The following SESTD1 variants were observed in gnomAD, a reference collection of about 807,000 sequenced individuals.
SESTD1 encodes SEC14 and spectrin domain containing 1, also known as SEC14 domain and spectrin repeat-containing protein 1.
Under a neutral mutation model 101.7 loss-of-function variants are expected in SESTD1, and 43 were observed. That is an observed-to-expected ratio of 0.42 (90% CI 0.33 to 0.55). The LOEUF is 0.55. SESTD1 is among the 20% of genes least tolerant of loss of function. The probability of loss-of-function intolerance (pLI) is 0.07; values close to 1 mark genes in which losing one functional copy is unlikely to be tolerated. For synonymous variants in SESTD1, 283 were observed against 286.8 expected (o/e 0.99, Z 0.13); for missense variants, 647 against 815.1 (o/e 0.79, Z 2.51).
chr2:179,250,338 T>C (rs6707081), intron 1 of SESTD1, among the ~76,000 whole-genome samples: 68,285 of 152,084 alleles, frequency 0.45, 18,166 homozygotes, highest in African/African-American at 0.75. Context: ...CACTACAAAC[T>C]TATCACAATG....
rs1559100986 is a variant in SESTD1 at position 179,124,538 on chromosome 2, C to T, written c.993G>A (p.Val331=). Residue 331 remains valine, a synonymous_variant, in exon 11 of 18, where the codon GTG becomes GTA. Transcript: ENST00000428443. Reference sequence around the variant, plus strand: ...GTGCTGCAATTTGCTGATTAAGTTCCACATACACTGCAAACCATTCCTGTA... The same window carrying T: ...GTGCTGCAATTTGCTGATTAAGTTCTACATACACTGCAAACCATTCCTGTA... ...SQHSEWFAVY[V]ELNQQIAALL... 1.2e-6 allele frequency: 2 copies of T among 1,613,844 alleles called. No individual in the cohort carries two copies. Among genetic ancestry groups the T allele is most frequent in the African/African-American group, 1.3e-5 (1 of 75,028 alleles).
intron 5 of SESTD1, among the ~76,000 whole-genome samples, chr2:179,153,512 A>T (rs1023531975): frequency 6.6e-6 from 1 of 152,128 alleles, no homozygotes; most frequent in Admixed American, 6.5e-5. Flanking sequence ...TCTCTCTCTC[A>T]CACACACTTA....
In SESTD1 at chr2:179,204,894, T is replaced by G. The variant is rs1263932325; in HGVS notation, c.-25-13028A>C. On this transcript the variant is annotated intron_variant, in intron 1 of 17. Transcript: ENST00000428443. ...GATGTTCCCCCAGAAAAAAAAAAAA[T>G]TCAACCTTGAGGAAGAAATGCAGAT... 4.5e-5 allele frequency among the ~76,000 whole-genome samples: 6 copies of G among 133,534 alleles called. 1 individual carries two copies. In the East Asian group the frequency reaches 1.2e-3, roughly 27 times the overall value. The allele number at this position is 133,534 out of a possible 152,430, so 87.6% of individuals were successfully genotyped here.
intron 5 of SESTD1, among the ~76,000 whole-genome samples, chr2:179,168,781 CAG>C (rs1162614721): frequency 5.9e-5 from 9 of 152,020 alleles, no homozygotes; most frequent in Non-Finnish European, 1.0e-4. Flanking sequence ...TAAAAGAAAA[CAG>C]ATTATCTGTA....
At chr2:179,258,862 G>T (rs1287570339) in intron 1 of SESTD1, among the ~76,000 whole-genome samples, 1 of 152,160 alleles carries the variant, frequency 6.6e-6, no homozygotes, top group Non-Finnish European at 1.5e-5. Flanking sequence ...TTAAGCACTG[G>T]CATTGGGACA....
chr2:179,257,610 T>A (rs960831153), intron 1 of SESTD1, among the ~76,000 whole-genome samples: 1 of 152,076 alleles, frequency 6.6e-6, no homozygotes, highest in African/African-American at 2.4e-5. Flanking sequence ...TGCAAAGGAT[T>A]AAAGACACAA....
At chr2:179,197,208 A>AG (rs1471903884) in intron 1 of SESTD1, among the ~76,000 whole-genome samples, 1 of 152,176 alleles carries the variant, frequency 6.6e-6, no homozygotes, top group East Asian at 1.9e-4. Flanking sequence ...AAAGGGTATC[A>AG]GCTATGGAAA....
rs71023474 is a variant in SESTD1, at chr2:179,230,113, C to CTTTTTTTTTTT, written c.-26+34375_-26+34385dup. ...AAATATTCCAAACTGGATTGTATCT[C>CTTTTTTTTTTT]TTTTTTTTTTTTTTTTTTTTTTTTT... is the stretch of plus-strand genomic sequence containing the variant. On this transcript the variant is annotated intron_variant, in intron 1 of 17. Transcript: ENST00000428443. Among the ~76,000 whole-genome samples, 55 of 56,420 alleles carry CTTTTTTTTTTT rather than the reference C, an allele frequency of 9.7e-4. 18 individuals are homozygous for CTTTTTTTTTTT. The highest frequency in any genetic ancestry group is 6.2e-3 in the East Asian group (7 of 1,138). 37.0% of individuals were successfully genotyped at this position (56,420 alleles called of 152,430 possible).
At chr2:179,118,853 G>C (rs1001939920) in intron 13 of SESTD1, among the ~76,000 whole-genome samples, 6 of 152,124 alleles carry the variant, frequency 3.9e-5, no homozygotes, top group Admixed American at 3.9e-4. Context: ...ATGAGAGTAG[G>C]GAGGAGCAAG....
intron 1 of SESTD1, among the ~76,000 whole-genome samples, chr2:179,195,162 T>C (rs1458479347): frequency 6.6e-6 from 1 of 152,258 alleles, no homozygotes; most frequent in Non-Finnish European, 1.5e-5. Context: ...TTTGACTCTG[T>C]GTCCCCACCC....
At chr2:179,218,993 A>ACTAC (rs1450961543) in intron 1 of SESTD1, among the ~76,000 whole-genome samples, 3 of 152,216 alleles carry the variant, frequency 2.0e-5, no homozygotes, top group Admixed American at 6.5e-5. Context: ...CATTGTCACA[A>ACTAC]CTACCTGAAT....
At chr2:179,173,894 A>G (rs1192201904) in intron 4 of SESTD1, among the ~76,000 whole-genome samples, 1 of 152,174 alleles carries the variant, frequency 6.6e-6, no homozygotes, top group African/African-American at 2.4e-5. Flanking sequence ...CATAAATTGC[A>G]GCACTGAATA....
intron 5 of SESTD1, among the ~76,000 whole-genome samples, chr2:179,156,295 G>A (rs1391149071): frequency 6.6e-6 from 1 of 152,068 alleles, no homozygotes; most frequent in Non-Finnish European, 1.5e-5. Flanking sequence ...CTATAAACAC[G>A]CATGTTCAAG....
At chr2:179,173,112 A>T (rs939180251) in intron 4 of SESTD1, among the ~76,000 whole-genome samples, 2 of 152,144 alleles carry the variant, frequency 1.3e-5, no homozygotes, top group African/African-American at 4.8e-5. Flanking sequence ...CAATATGAAA[A>T]GTCTGTTCCA....
intron 1 of SESTD1, among the ~76,000 whole-genome samples, chr2:179,240,605 G>A (rs1407939859): frequency 6.6e-6 from 1 of 152,082 alleles, no homozygotes; most frequent in Non-Finnish European, 1.5e-5. Flanking sequence ...CAAAAGACCA[G>A]GAAGGAGCAG....
intron 1 of SESTD1, among the ~76,000 whole-genome samples, chr2:179,231,652 G>T (rs2046990140): frequency 6.7e-6 from 1 of 149,808 alleles, no homozygotes; most frequent in South Asian, 2.1e-4. Flanking sequence ...TTTTCATTTG[G>T]CTATTAAAAA....
rs1038262553 is a variant in SESTD1 at position 179,105,913 on chromosome 2, T to G, written c.*3986A>C. On this transcript the variant is annotated 3_prime_UTR_variant, in exon 18 of 18. Coordinates refer to ENST00000428443, the MANE Select transcript of SESTD1 (RefSeq NM_178123.5). ...CTTTCCTCTACAAGTACTGCCATTA[T>G]TTATGCTTCTTAGCTAAACCTAGAC... is the stretch of plus-strand genomic sequence containing the variant. The G allele has an allele frequency of 3.3e-5, 5 of 152,222 alleles. No individual in the cohort carries two copies. The highest frequency in any genetic ancestry group is 7.3e-5 in the Non-Finnish European group (5 of 68,034). 9.4% of individuals were successfully genotyped at this position (152,222 alleles called of 1,614,324 possible). A position where few individuals can be genotyped will look rare whatever the true frequency, so the allele number is the denominator to read the frequency against.
intron 9 of SESTD1, among the ~76,000 whole-genome samples, chr2:179,133,446 TTC>T (rs1199982697): frequency 6.6e-6 from 1 of 152,136 alleles, no homozygotes; most frequent in Non-Finnish European, 1.5e-5. Flanking sequence ...AAAGATCAAG[TTC>T]TCATGCAGAA....
chr2:179,207,173 A>G (rs1432009015), intron 1 of SESTD1, among the ~76,000 whole-genome samples: 1 of 134,340 alleles, frequency 7.4e-6, no homozygotes, highest in Non-Finnish European at 1.6e-5. Context: ...CAAACCGGAG[A>G]AACCAAAGTA....
Sources: gnomAD v4.1 joint callset for allele counts (sites outside exome capture counted in the v4.1 genomes callset) on GRCh38, gnomAD v4.1.1 for gene constraint, MANE v1.5 for transcripts, NCBI Gene and HGNC (gene_info 2026-07-23, HGNC 2026-07-21) for gene names.